UTRN: variants seen among roughly 807,000 people sequenced by gnomAD.
UTRN encodes dystrophin-related protein 1.
UTRN carries 283 observed loss-of-function variants against 463.9 expected under a neutral mutation model. The ratio of observed to expected loss-of-function variants is 0.61; its 90% CI spans 0.55 to 0.67. The LOEUF is 0.67. Ranked by LOEUF, UTRN falls within the 30% of genes least tolerant of loss-of-function variation. UTRN has a pLI of 0.00. For synonymous variants in UTRN, 1,442 were observed against 1,431.5 expected (o/e 1.01, Z -0.17); for missense variants, 3,922 against 4,084.3 (o/e 0.96, Z 1.08).
intron 65 of UTRN, among the ~76,000 whole-genome samples, chr6:144,805,245 G>T (rs546342473): frequency 6.6e-6 from 1 of 152,064 alleles, no homozygotes; most frequent in Non-Finnish European, 1.5e-5. Flanking sequence ...TAAGATTGTG[G>T]ACTTCCTGCT....
intron 1 of UTRN, among the ~76,000 whole-genome samples, chr6:144,287,018 G>C (rs1009726708): frequency 1.9e-4 from 29 of 152,050 alleles, no homozygotes; most frequent in African/African-American, 7.0e-4. Flanking sequence ...GGTCTGAGCC[G>C]ACCCTCCCGG....
chr6:144,812,282 G>C (rs1190120413), intron 65 of UTRN, among the ~76,000 whole-genome samples: 1 of 152,032 alleles, frequency 6.6e-6, no homozygotes, highest in Admixed American at 6.6e-5. Context: ...CCGGTCTTTG[G>C]GGATAATAAT....
chr6:144,423,590 C>T lies in UTRN; in HGVS notation c.276C>T (p.Asn92=), dbSNP rs563605754. 1.1e-5 allele frequency: 17 copies of T among 1,614,194 alleles called. No homozygotes were observed. Among genetic ancestry groups the T allele is most frequent in the East Asian group, 2.2e-5 (1 of 44,882 alleles). The change falls in exon 5 of 75, where the codon AAC becomes AAT. Residue 92 remains asparagine (N), a synonymous_variant. Coordinates refer to ENST00000367545, the MANE Select transcript of UTRN (RefSeq NM_007124.3). ...CCACAAGGGTACATGCCTTAAATAA[C>T]GTCAACAGAGTGCTGCAGGTTTTAC... ...RGSTRVHALN[N]VNRVLQVLHQ... is the part of the protein sequence containing the mutation.
At chr6:144,702,887 A>G (rs763480877) in intron 53 of UTRN, among the ~76,000 whole-genome samples, 57 of 152,346 alleles carry the variant, frequency 3.7e-4, no homozygotes, top group Non-Finnish European at 1.2e-4. Context: ...CAGATCATTT[A>G]GGTCCTTGAA....
chr6:144,824,495 A>C (rs1256211174), intron 66 of UTRN, among the ~76,000 whole-genome samples: 4 of 139,990 alleles, frequency 2.9e-5, no homozygotes. Flanking sequence ...ATATACAATA[A>C]ATATGTATAT....
chr6:144,837,308 C>T (rs2128760983), intron 71 of UTRN: 1 of 152,330 alleles, frequency 6.6e-6, no homozygotes, highest in African/African-American at 2.4e-5. Context: ...CAGTTTCTGC[C>T]TTTCTGGTGC....
At chr6:144,391,419 C>A (rs984434989) in intron 2 of UTRN, among the ~76,000 whole-genome samples, 1 of 152,104 alleles carries the variant, frequency 6.6e-6, no homozygotes, top group Non-Finnish European at 1.5e-5. Context: ...TACAAAATGA[C>A]CTAAGCCAAT....
intron 73 of UTRN, 131 bp from the exon 74 acceptor site, chr6:144,846,674 C>A: frequency 1.7e-6 from 2 of 1,204,720 alleles, no homozygotes; most frequent in Non-Finnish European, 1.2e-6. Flanking sequence ...TTCCTATTAG[C>A]ATCCATTTAA....
Position 144,813,203 on chromosome 6 carries a change from T to A in UTRN, c.9358-7679T>A, listed in dbSNP as rs1034540418. Among the ~76,000 whole-genome samples the A allele has an allele frequency of 6.0e-5, 9 of 151,010 alleles. No individual in the cohort carries two copies. The South Asian group carries it at 1.2e-3, about 21-fold the overall frequency. On this transcript the variant is annotated intron_variant, in intron 65 of 74. Coordinates refer to ENST00000367545, the MANE Select transcript of UTRN (RefSeq NM_007124.3). ...TTTTTATTTATTTATTTATTTATTT[T>A]TTTGAAATGGAGTTTCGCTCTTGTT... is the stretch of plus-strand genomic sequence containing the variant.
chr6:144,774,408 C>G, intron 60 of UTRN, 44 bp downstream of exon 60: 2 of 1,368,488 alleles, frequency 1.5e-6, no homozygotes, highest in Non-Finnish European at 1.9e-6. Context: ...ACTTGAATTG[C>G]GTTTTTTTTT....
At chr6:144,455,076 CAA>C (rs113710463) in intron 19 of UTRN, among the ~76,000 whole-genome samples, 8 of 151,922 alleles carry the variant, frequency 5.3e-5, no homozygotes, top group Admixed American at 5.2e-4. Flanking sequence ...CACACACACA[CAA>C]ACACACAGAA....
chr6:144,455,521 GA>G (rs1788730628), intron 19 of UTRN, among the ~76,000 whole-genome samples: 1 of 152,162 alleles, frequency 6.6e-6, no homozygotes, highest in African/African-American at 2.4e-5. Context: ...GTGAATATGG[GA>G]TAATTTCTTG....
chr6:144,289,568 C>T lies in UTRN; in HGVS notation c.-92-2169C>T, dbSNP rs563213234. On this transcript the variant is annotated intron_variant, in intron 1 of 74. Coordinates refer to ENST00000367545, the MANE Select transcript of UTRN (RefSeq NM_007124.3). ...AACTTCTGGGCTCAAGTAATCCTCTCGCTTAAGCTTCCCAAAGTACTGGGA... is the reference window on the plus strand; with the variant it reads ...AACTTCTGGGCTCAAGTAATCCTCTTGCTTAAGCTTCCCAAAGTACTGGGA... Among the ~76,000 whole-genome samples the T allele has an allele frequency of 1.1e-4, 17 of 152,278 alleles. 1 individual carries two copies. In the East Asian group the frequency reaches 2.3e-3, roughly 21 times the overall value.
At chr6:144,594,032 G>A (rs993260267) in intron 51 of UTRN, among the ~76,000 whole-genome samples, 2 of 152,178 alleles carry the variant, frequency 1.3e-5, no homozygotes, top group Non-Finnish European at 2.9e-5. Flanking sequence ...TGGTATGGGA[G>A]TGACAAAAAT....
intron 27 of UTRN, among the ~76,000 whole-genome samples, chr6:144,484,431 A>ATTT (rs1792210048): frequency 8.4e-6 from 1 of 118,414 alleles, no homozygotes; most frequent in African/African-American, 3.7e-5. Flanking sequence ...CAAAAACCAA[A>ATTT]CTTTTTTTTT....
chr6:144,620,380 T>C (rs995809347), intron 51 of UTRN, among the ~76,000 whole-genome samples: 2 of 152,144 alleles, frequency 1.3e-5, no homozygotes, highest in African/African-American at 4.8e-5. Flanking sequence ...CCTGTTCTAA[T>C]AAAGGCTCCA....
In UTRN at chr6:144,482,895, CT is replaced by C. The variant is rs149297311; in HGVS notation, c.3687+517del. Among the ~76,000 whole-genome samples the C allele has an allele frequency of 6.7e-3, 991 of 148,868 alleles. 4 individuals are homozygous for C. Among genetic ancestry groups the C allele is most frequent in the Middle Eastern group, 0.024 (7 of 290 alleles). On this transcript the variant is annotated intron_variant, in intron 27 of 74. Transcript: ENST00000367545. ...TTTTACTGGGTCTTAGATAAAATACCTTTTTTTTTTCTCCCTGGCCATTACA... is the reference window on the plus strand; with the variant it reads ...TTTTACTGGGTCTTAGATAAAATACCTTTTTTTTTCTCCCTGGCCATTACA...
intron 13 of UTRN, among the ~76,000 whole-genome samples, chr6:144,442,415 A>G (rs538627556): frequency 4.6e-4 from 70 of 152,272 alleles, no homozygotes; most frequent in Admixed American, 1.2e-3. Flanking sequence ...ATTTTAGGGT[A>G]TCTTTTCAAC....
At chr6:144,354,297 C>T (rs1164357261) in intron 2 of UTRN, among the ~76,000 whole-genome samples, 2 of 152,180 alleles carry the variant, frequency 1.3e-5, no homozygotes, top group African/African-American at 4.8e-5. Context: ...TCTCAAAGCT[C>T]TGCCCCCTGC....
Sources: gnomAD v4.1 joint callset for allele counts (sites outside exome capture counted in the v4.1 genomes callset) on GRCh38, gnomAD v4.1.1 for gene constraint, MANE v1.5 for transcripts, NCBI Gene and HGNC (gene_info 2026-07-23, HGNC 2026-07-21) for gene names.